Variants in CDK14 observed in about 807,000 individuals in gnomAD.
CDK14 encodes the protein cyclin dependent kinase 14, also known as cyclin-dependent kinase 14.
CDK14 carries 34 observed loss-of-function variants against 60.7 expected under a neutral mutation model. That is an observed-to-expected ratio of 0.56 (90% confidence interval 0.43 to 0.75). CDK14 has a LOEUF of 0.75. CDK14 is among the 30% of genes least tolerant of loss of function. The pLI, the probability that CDK14 is intolerant of heterozygous loss-of-function variation, is 0.00. For synonymous variants in CDK14, 197 were observed against 203.7 expected (o/e 0.97, Z 0.28); for missense variants, 482 against 564.1 (o/e 0.85, Z 1.47).
intron 10 of CDK14, among the ~76,000 whole-genome samples, chr7:91,012,017 T>C (rs1796174315): frequency 6.6e-6 from 1 of 152,204 alleles, no homozygotes; most frequent in Non-Finnish European, 1.5e-5. Flanking sequence ...CGTGAATTTT[T>C]TCTTGCCAGA....
At chr7:90,736,415 A>G (rs1245519093) in intron 3 of CDK14, among the ~76,000 whole-genome samples, 6 of 139,154 alleles carry the variant, frequency 4.3e-5, no homozygotes, top group African/African-American at 1.6e-4. Context: ...AATTGGGCAG[A>G]AAATGGAAAC....
chr7:91,111,293 G>A (rs1019422771), intron 12 of CDK14, among the ~76,000 whole-genome samples: 5 of 152,110 alleles, frequency 3.3e-5, no homozygotes, highest in African/African-American at 1.2e-4. Flanking sequence ...TAAAGAATTG[G>A]TTGAGGAGGG....
intron 10 of CDK14, among the ~76,000 whole-genome samples, chr7:91,002,043 C>T (rs549676069): frequency 1.6e-4 from 24 of 152,242 alleles, no homozygotes; most frequent in African/African-American, 5.1e-4. Flanking sequence ...AACCTGTAGT[C>T]CCGTCTATTT....
At chr7:90,868,301 A>G (rs1332513779) in intron 6 of CDK14, among the ~76,000 whole-genome samples, 2 of 146,154 alleles carry the variant, frequency 1.4e-5, no homozygotes, top group African/African-American at 2.5e-5. Flanking sequence ...CTATATATAT[A>G]TACACACACA....
chr7:90,787,541 A>G (rs1805646229), intron 4 of CDK14, among the ~76,000 whole-genome samples: 1 of 152,194 alleles, frequency 6.6e-6, no homozygotes, highest in Non-Finnish European at 1.5e-5. Flanking sequence ...TGCAGGTATG[A>G]TGAGGAAAAT....
intron 14 of CDK14, among the ~76,000 whole-genome samples, chr7:91,127,234 A>G (rs182118577): frequency 1.7e-3 from 257 of 152,298 alleles, no homozygotes; most frequent in African/African-American, 5.9e-3. Flanking sequence ...GAATGAAGCG[A>G]CTTAGCATAA....
intron 8 of CDK14, among the ~76,000 whole-genome samples, chr7:90,927,355 G>A (rs1562831494): frequency 6.6e-6 from 1 of 152,022 alleles, no homozygotes; most frequent in Non-Finnish European, 1.5e-5. Flanking sequence ...AGGGTCTTAG[G>A]AGCTCTGTGT....
rs539529283 is a variant in CDK14, at chr7:90,936,029, G to A, written c.826+18305G>A. Among the ~76,000 whole-genome samples the A allele has an allele frequency of 2.6e-4, 39 of 150,234 alleles. 1 individual carries two copies. Among genetic ancestry groups the A allele is most frequent in the African/African-American group, 8.8e-4 (36 of 41,002 alleles). On this transcript the variant is annotated intron_variant, in intron 8 of 14. Transcript: ENST00000380050. ...TGCACTCTAGCATGGGCAACAGAGC[G>A]AGACCCTGTCTTAAAAAAAAAAAGA...
chr7:91,148,590 GGTGAGCCATA>G (rs1800727111), intron 14 of CDK14, among the ~76,000 whole-genome samples: 1 of 152,146 alleles, frequency 6.6e-6, no homozygotes, highest in Admixed American at 6.5e-5. Flanking sequence ...TACAATGTCA[GGTGAGCCATA>G]GTGTCCACTC....
intron 1 of CDK14, among the ~76,000 whole-genome samples, chr7:90,601,922 T>TTATG (rs66873680): frequency 0.18 from 26,157 of 143,198 alleles, 2,394 homozygotes; most frequent in Middle Eastern, 0.22. Flanking sequence ...TTGGCTAATT[T>TTATG]TATGTATGTA....
intron 5 of CDK14, among the ~76,000 whole-genome samples, chr7:90,825,547 C>T (rs1789693763): frequency 6.6e-6 from 1 of 152,150 alleles, no homozygotes; most frequent in East Asian, 1.9e-4. Flanking sequence ...TTACCCTTGC[C>T]TGCCTTGCTG....
At chr7:90,806,193 T>C (rs1481752618) in intron 5 of CDK14, among the ~76,000 whole-genome samples, 2 of 152,110 alleles carry the variant, frequency 1.3e-5, no homozygotes, top group Non-Finnish European at 2.9e-5. Context: ...TGGAAGGAAA[T>C]CTGGTAGAAA....
chr7:90,988,024 A>T (rs1795420220), intron 10 of CDK14, among the ~76,000 whole-genome samples: 1 of 152,210 alleles, frequency 6.6e-6, no homozygotes, highest in South Asian at 2.1e-4. Context: ...CAAAATTAAT[A>T]GCTTGTTACC....
At chr7:90,951,030 A>G (rs1254414541) in intron 8 of CDK14, among the ~76,000 whole-genome samples, 2 of 152,218 alleles carry the variant, frequency 1.3e-5, no homozygotes, top group Non-Finnish European at 2.9e-5. Context: ...AAAAAATTAT[A>G]TCAAAAATGA....
At chr7:91,022,705 A>G (rs1433011041) in intron 10 of CDK14, among the ~76,000 whole-genome samples, 2 of 152,222 alleles carry the variant, frequency 1.3e-5, no homozygotes, top group Non-Finnish European at 2.9e-5. Context: ...TACTTATAAT[A>G]CATGCAGCTG....
chr7:90,886,470 T>G (rs1396743171), intron 6 of CDK14, among the ~76,000 whole-genome samples: 2 of 152,318 alleles, frequency 1.3e-5, no homozygotes, highest in East Asian at 3.9e-4. Flanking sequence ...AGAGTGACTT[T>G]CAAATGATAT....
chr7:91,059,572 T>C (rs1797711676), intron 11 of CDK14, among the ~76,000 whole-genome samples: 1 of 152,162 alleles, frequency 6.6e-6, no homozygotes, highest in Non-Finnish European at 1.5e-5. Flanking sequence ...ACACACTGCT[T>C]TGAATGTGTC....
At chr7:90,681,153 A>G (rs1382589771) in intron 2 of CDK14, among the ~76,000 whole-genome samples, 1 of 152,178 alleles carries the variant, frequency 6.6e-6, no homozygotes, top group African/African-American at 2.4e-5. Context: ...ACTTTAATTT[A>G]GACTTAACTA....
intron 2 of CDK14, chr7:90,726,281 G>C: frequency 1.0e-6 from 1 of 983,028 alleles, no homozygotes; most frequent in Non-Finnish European, 1.2e-6. Context: ...ACGTGTGACA[G>C]AGTTCAAGAA....
Sources: allele counts gnomAD v4.1 joint callset (sites outside exome capture counted in the v4.1 genomes callset), GRCh38; gene constraint gnomAD v4.1.1; transcripts MANE v1.5; gene names NCBI Gene and HGNC (gene_info 2026-07-23, HGNC 2026-07-21).